Variants in SORL1 observed in about 807,000 individuals in gnomAD.
SORL1 encodes sortilin-related receptor.
A neutral mutation model predicts 273.7 loss-of-function variants in SORL1; 127 were observed. That is an observed-to-expected ratio of 0.46 (90% CI 0.40 to 0.54). The LOEUF (loss-of-function observed/expected upper bound fraction) is 0.54. Among genes scored for constraint, SORL1 ranks in the 20% least tolerant of loss-of-function variants. The pLI is 0.00. For missense variants in SORL1, 2,494 were observed against 2,846.1 expected (o/e 0.88, Z 2.81); for synonymous variants, 1,031 against 1,067.4 (o/e 0.97, Z 0.66).
At chr11:121,581,248 G>A (rs895270519) in intron 25 of SORL1, among the ~76,000 whole-genome samples, 1 of 152,164 alleles carries the variant, frequency 6.6e-6, no homozygotes, top group Non-Finnish European at 1.5e-5. Context: ...TAAGAAATAA[G>A]GCAGTACTTT....
At chr11:121,580,368 A>G (rs1862995621) in intron 25 of SORL1, among the ~76,000 whole-genome samples, 1 of 152,154 alleles carries the variant, frequency 6.6e-6, no homozygotes, top group African/African-American at 2.4e-5. Flanking sequence ...CTCTAGATTT[A>G]TCTTCCAGTT....
At chr11:121,503,993 A>G (rs766671456) in intron 6 of SORL1, among the ~76,000 whole-genome samples, 3 of 152,250 alleles carry the variant, frequency 2.0e-5, no homozygotes, top group Non-Finnish European at 2.9e-5. Flanking sequence ...GAGTGTTATC[A>G]TCTTAATATA....
chr11:121,620,493 A>G (rs942349484), intron 43 of SORL1, among the ~76,000 whole-genome samples: 10 of 150,660 alleles, frequency 6.6e-5, no homozygotes, highest in African/African-American at 2.2e-4. Context: ...TCCTCTCTCC[A>G]CTCCCCTTCA....
rs1862025753 is a variant in SORL1, at chr11:121,520,642, A to C, written c.1212-15A>C. ...TACCAATTCAGGTTCATAGCTGTTT[A>C]TTTTCATATTGTAGGTATTTTGCAA... is the stretch of plus-strand genomic sequence containing the variant. On this transcript the variant is annotated splice_polypyrimidine_tract_variant and intron_variant, in intron 8 of 47. Coordinates refer to ENST00000260197, the MANE Select transcript of SORL1 (RefSeq NM_003105.6). The C allele has an allele frequency of 6.5e-7, 1 of 1,535,260 alleles. No individual in the cohort carries two copies. Among genetic ancestry groups the C allele is most frequent in the Admixed American group, 2.1e-5 (1 of 47,882 alleles).
At chr11:121,520,636 C>T (rs757441118) in intron 8 of SORL1, 21 bp from the exon 9 acceptor site, 1 of 1,502,242 alleles carries the variant, frequency 6.7e-7, no homozygotes, top group Admixed American at 2.1e-5. Context: ...AGGTTCATAG[C>T]TGTTTATTTT....
chr11:121,538,885 G>A (rs970961921), intron 12 of SORL1, among the ~76,000 whole-genome samples: 1 of 152,024 alleles, frequency 6.6e-6, no homozygotes, highest in African/African-American at 2.4e-5. Flanking sequence ...CACCTTGTTG[G>A]TCAGGCTGGT....
Position 121,514,901 on chromosome 11 carries a change from G to A in SORL1, c.1211+580G>A, listed in dbSNP as rs373474318. ...GGTGGAGGAGTTGGGGGTTTGGGAG[G>A]GATGAATTGGTTCTTAAGATCCGTT... On this transcript the variant is annotated intron_variant, in intron 8 of 47. Coordinates refer to ENST00000260197, the MANE Select transcript of SORL1 (RefSeq NM_003105.6). 6.1e-4 allele frequency among the ~76,000 whole-genome samples: 93 copies of A among 152,200 alleles called. 1 individual carries two copies. Among genetic ancestry groups the A allele is most frequent in the African/African-American group, 2.0e-3 (85 of 41,532 alleles).
chr11:121,588,029 G>GTA lies in SORL1; in HGVS notation c.3825_3826dup (p.Thr1276IlefsTer66). ...TCTGGATCCCTTACAGAGCCCCTCT[G>GTA]TACGCACTTCATGGACTTTGTGTGT... On this transcript the variant is annotated frameshift_variant, in exon 28 of 48. Transcript: ENST00000260197. LOFTEE classifies it high-confidence loss of function. 1 of 1,613,236 alleles carries GTA rather than the reference G, an allele frequency of 6.2e-7. No homozygotes were observed. Among genetic ancestry groups the GTA allele is most frequent in the Non-Finnish European group, 8.5e-7 (1 of 1,179,468 alleles).
chr11:121,472,944 G>C (rs1861194473), intron 2 of SORL1, among the ~76,000 whole-genome samples: 1 of 142,192 alleles, frequency 7.0e-6, no homozygotes, highest in Admixed American at 7.3e-5. Flanking sequence ...TGAGCAACAA[G>C]AGAGAAAACT....
chr11:121,511,677 A>G (rs1861880345), intron 6 of SORL1, among the ~76,000 whole-genome samples: 1 of 152,188 alleles, frequency 6.6e-6, no homozygotes, highest in African/African-American at 2.4e-5. Context: ...GATTTCTTTA[A>G]AACAAACTAC....
chr11:121,466,865 C>T (rs1051197377), intron 1 of SORL1, among the ~76,000 whole-genome samples: 1 of 151,974 alleles, frequency 6.6e-6, no homozygotes, highest in Non-Finnish European at 1.5e-5. Context: ...CATTTCTTGC[C>T]AGGGATTTTA....
intron 11 of SORL1, among the ~76,000 whole-genome samples, chr11:121,528,323 A>G (rs1016612434): frequency 6.6e-6 from 1 of 152,000 alleles, no homozygotes; most frequent in African/African-American, 2.4e-5. Context: ...AAAAAAATTA[A>G]CTGGGCATAC....
At chr11:121,553,666 A>T (rs1862536917) in intron 16 of SORL1, among the ~76,000 whole-genome samples, 1 of 152,222 alleles carries the variant, frequency 6.6e-6, no homozygotes, top group African/African-American at 2.4e-5. Context: ...TGAAGCATGC[A>T]TATTGGGAGA....
At chr11:121,628,217 A>G (rs563232552) in intron 47 of SORL1, among the ~76,000 whole-genome samples, 1 of 152,164 alleles carries the variant, frequency 6.6e-6, no homozygotes, top group African/African-American at 2.4e-5. Context: ...CTCACCAGCC[A>G]TTCTTTTATG....
rs982978107 is a variant in SORL1, at chr11:121,550,230, A to G, written c.2180+142A>G. Reference sequence around the variant, plus strand: ...GCCTGCAAGTAGTTTGGGCAACATTATAAATTATGGTATTTGTAAACTCTC... The same window carrying G: ...GCCTGCAAGTAGTTTGGGCAACATTGTAAATTATGGTATTTGTAAACTCTC... On this transcript the variant is annotated intron_variant, in intron 15 of 47. Transcript: ENST00000260197. The surrounding 1 kb of genome is among the most constrained non-coding windows in gnomAD (Gnocchi z 5.3). The G allele has an allele frequency of 2.4e-6, 2 of 837,922 alleles. No individual in the cohort carries two copies. Among genetic ancestry groups the G allele is most frequent in the East Asian group, 2.8e-5 (1 of 36,188 alleles). 51.9% of individuals were successfully genotyped at this position (837,922 alleles called of 1,614,324 possible). A position where few individuals can be genotyped will look rare whatever the true frequency, so the allele number is the denominator to read the frequency against.
In SORL1 at chr11:121,452,548, G is replaced by T. The variant is rs1860819058; in HGVS notation, c.217G>T (p.Asp73Tyr). 1 of 1,502,824 alleles carries T rather than the reference G, an allele frequency of 6.7e-7. No homozygotes were observed. Among genetic ancestry groups the T allele is most frequent in the Non-Finnish European group, 8.8e-7 (1 of 1,132,232 alleles). The allele number at this position is 1,502,824 out of a possible 1,614,324, so 93.1% of individuals were successfully genotyped here. ...GGATGCCAGGGGGGCGAGCCGCGCG[G>T]ACGAGAAGCCGCTCCGGAGGAAACG... ...RGDARGASRA[D>Y]EKPLRRKRSA... The change falls in exon 1 of 48, where the codon GAC (aspartate) becomes TAC (tyrosine). Residue 73 changes from aspartate (D) to tyrosine (Y), a missense_variant. By Grantham distance (160) the Asp-to-Tyr change is radical (BLOSUM62 -3). This residue lies in a region of SORL1 where 175 missense variants were observed against 147.1 expected (regional missense o/e 1.19). Transcript: ENST00000260197. The surrounding 1 kb of genome is among the most constrained non-coding windows in gnomAD (Gnocchi z 5.3).
At position 121,523,482 on chromosome 11, in the gene SORL1, T is replaced by G. The variant is rs181848587; in HGVS notation, c.1596+493T>G. ...CTCACTCTGTGCTATGGAAGTAGAC[T>G]CTCTTTTTGCCTTAAGGTTGTATAA... is the stretch of plus-strand genomic sequence containing the variant. On this transcript the variant is annotated intron_variant, in intron 11 of 47. Transcript: ENST00000260197. 1.3e-3 allele frequency among the ~76,000 whole-genome samples: 205 copies of G among 152,306 alleles called. 2 individuals carry two copies. The highest frequency in any genetic ancestry group is 4.7e-3 in the African/African-American group (196 of 41,560).
intron 17 of SORL1, 34 bp from the exon 18 acceptor site, chr11:121,555,153 T>C (rs774560468): frequency 6.2e-7 from 1 of 1,604,216 alleles, no homozygotes; most frequent in Non-Finnish European, 8.5e-7. Context: ...GTTTGAACAG[T>C]TCCTAGCATT....
chr11:121,579,659 C>G (rs1391832489), intron 25 of SORL1, among the ~76,000 whole-genome samples: 1 of 152,126 alleles, frequency 6.6e-6, no homozygotes, highest in African/African-American at 2.4e-5. Flanking sequence ...GCCTACAGTT[C>G]CAGTACTAAA....
Sources: gnomAD v4.1 joint callset for allele counts (sites outside exome capture counted in the v4.1 genomes callset) on GRCh38, gnomAD v4.1.1 for gene constraint, gnomAD v4.1.1 regional missense constraint, Gnocchi (gnomAD v3.1) non-coding constraint, MANE v1.5 for transcripts, NCBI Gene and HGNC (gene_info 2026-07-23, HGNC 2026-07-21) for gene names.